Variants in PARD3 observed in about 807,000 individuals in gnomAD.
The protein encoded by PARD3 is partitioning defective 3 homolog.
PARD3 carries 75 observed loss-of-function variants against 155.4 expected under a neutral mutation model. The observed-to-expected ratio is 0.48, with a 90% confidence interval of 0.40 to 0.58. The LOEUF (loss-of-function observed/expected upper bound fraction) is 0.58, where lower values mean the gene tolerates loss of function less well. Among genes scored for constraint, PARD3 ranks in the 20% least tolerant of loss-of-function variants. The pLI, the probability that PARD3 is intolerant of heterozygous loss-of-function variation, is 0.00. For missense variants in PARD3, 1,642 were observed against 1,721.7 expected, an observed-to-expected ratio of 0.95 and a Z score of 0.82; for synonymous variants, 576 against 610.5, an observed-to-expected ratio of 0.94 and a Z score of 0.83.
At chr10:34,773,821 G>A (rs1458025175) in intron 1 of PARD3, among the ~76,000 whole-genome samples, 1 of 152,078 alleles carries the variant, frequency 6.6e-6, no homozygotes, top group African/African-American at 2.4e-5. Flanking sequence ...AAACTTGATG[G>A]GGTTAAAGTG....
intron 22 of PARD3, among the ~76,000 whole-genome samples, chr10:34,231,737 C>T (rs992978302): frequency 2.0e-5 from 3 of 151,764 alleles, no homozygotes; most frequent in East Asian, 3.9e-4. Context: ...CCAACAATGC[C>T]GACTATTGGC....
intron 6 of PARD3, among the ~76,000 whole-genome samples, chr10:34,401,332 A>G (rs1003360723): frequency 1.3e-5 from 2 of 152,164 alleles, no homozygotes; most frequent in Non-Finnish European, 2.9e-5. Context: ...TCCCTTTTTC[A>G]TTAAATATCT....
chr10:34,170,170 C>G (rs1226113299), intron 22 of PARD3, among the ~76,000 whole-genome samples: 1 of 152,192 alleles, frequency 6.6e-6, no homozygotes. Flanking sequence ...CTACTGCAGC[C>G]TCCAGCTTCT....
chr10:34,553,728 T>C (rs148161745), intron 2 of PARD3, among the ~76,000 whole-genome samples: 31 of 152,322 alleles, frequency 2.0e-4, no homozygotes, highest in African/African-American at 7.5e-4. Context: ...GGTTTGGGTT[T>C]TTATTTTATT....
At chr10:34,133,357 A>G (rs968873828) in intron 22 of PARD3, among the ~76,000 whole-genome samples, 1 of 152,126 alleles carries the variant, frequency 6.6e-6, no homozygotes, top group African/African-American at 2.4e-5. Context: ...TCAAATAGAC[A>G]AGCCACACAC....
At chr10:34,544,053 T>TTG (rs1310170354) in intron 2 of PARD3, among the ~76,000 whole-genome samples, 1 of 152,178 alleles carries the variant, frequency 6.6e-6, no homozygotes, top group African/African-American at 2.4e-5. Context: ...CAACATGTGG[T>TTG]AAAAATCATG....
chr10:34,293,458 C>A (rs776051943), intron 20 of PARD3, among the ~76,000 whole-genome samples: 1 of 151,890 alleles, frequency 6.6e-6, no homozygotes, highest in Admixed American at 6.6e-5. Context: ...ACTAAATTGA[C>A]GTTATTATAA....
chr10:34,313,983 C>A (rs1369424029), intron 20 of PARD3, among the ~76,000 whole-genome samples: 1 of 152,200 alleles, frequency 6.6e-6, no homozygotes, highest in Non-Finnish European at 1.5e-5. Context: ...CACAGACACA[C>A]CCCTACTTTA....
chr10:34,520,312 C>T (rs1490376811), intron 2 of PARD3, among the ~76,000 whole-genome samples: 1 of 152,024 alleles, frequency 6.6e-6, no homozygotes, highest in East Asian at 1.9e-4. Flanking sequence ...TCTGGAAGAA[C>T]CAGTACCAGG....
intron 2 of PARD3, among the ~76,000 whole-genome samples, chr10:34,546,040 T>G (rs889483872): frequency 6.6e-6 from 1 of 152,210 alleles, no homozygotes; most frequent in Non-Finnish European, 1.5e-5. Flanking sequence ...AAGCATGTCT[T>G]TAACGTAAAA....
chr10:34,343,404 T>C, intron 15 of PARD3: 1 of 983,712 alleles, frequency 1.0e-6, no homozygotes, highest in Non-Finnish European at 1.2e-6. Context: ...TTGTAATCTG[T>C]TGTTCTGAGT....
chr10:34,538,799 T>C (rs2083399741), intron 2 of PARD3, among the ~76,000 whole-genome samples: 2 of 152,172 alleles, frequency 1.3e-5, no homozygotes, highest in African/African-American at 4.8e-5. Context: ...AGGGCACCAA[T>C]GATCCAAGTA....
At position 34,411,885 on chromosome 10, in the gene PARD3, T is replaced by C. The variant is rs371665896; in HGVS notation, c.715-9968A>G. ...TTGCAAGTTTATCAGGAGTTTTTTT[T>C]CTATGTATTTTAACAAAATCTTTAT... is the stretch of plus-strand genomic sequence containing the variant. On this transcript the variant is annotated intron_variant, in intron 5 of 24. Transcript: ENST00000374788. Among the ~76,000 whole-genome samples the C allele has an allele frequency of 1.6e-4, 24 of 151,902 alleles. 1 individual carries two copies. In the South Asian group the frequency reaches 3.5e-3, roughly 22 times the overall value.
At chr10:34,658,159 AG>A (rs1490294492) in intron 2 of PARD3, among the ~76,000 whole-genome samples, 2 of 145,916 alleles carry the variant, frequency 1.4e-5, no homozygotes, top group South Asian at 2.1e-4. Flanking sequence ...AAAAAAAAAA[AG>A]AATCCACAAC....
intron 3 of PARD3, among the ~76,000 whole-genome samples, chr10:34,495,147 T>A (rs2080185480): frequency 6.6e-6 from 1 of 151,578 alleles, no homozygotes; most frequent in South Asian, 2.1e-4. Context: ...GCTTCCTAAC[T>A]ATCTGTACCC....
At chr10:34,681,203 T>C (rs2093811633) in intron 2 of PARD3, among the ~76,000 whole-genome samples, 1 of 152,166 alleles carries the variant, frequency 6.6e-6, no homozygotes, top group Non-Finnish European at 1.5e-5. Flanking sequence ...CTGTTAACTC[T>C]AATAATAGCT....
chr10:34,133,556 G>A (rs530913251), intron 22 of PARD3, among the ~76,000 whole-genome samples: 31 of 152,304 alleles, frequency 2.0e-4, no homozygotes, highest in African/African-American at 5.5e-4. Flanking sequence ...AAAGCTATTC[G>A]GAAGATCAGG....
Position 34,109,708 on chromosome 10 carries a change from T to G in PARD3, c.*1461A>C. 6.6e-6 allele frequency: 1 copy of G among 151,976 alleles called. No individual in the cohort carries two copies. The highest frequency in any genetic ancestry group is 2.1e-4 in the South Asian group (1 of 4,782). 9.4% of individuals were successfully genotyped at this position (151,976 alleles called of 1,614,324 possible). ...AACACCACTTAGACACCGCCGCACG[T>G]GATTAAGAAACAGAACCATGACACA... On this transcript the variant is annotated 3_prime_UTR_variant, in exon 25 of 25. Coordinates refer to ENST00000374788, the MANE Select transcript of PARD3 (RefSeq NM_001184785.2).
At chr10:34,218,526 G>C (rs1952119350) in intron 22 of PARD3, among the ~76,000 whole-genome samples, 1 of 152,142 alleles carries the variant, frequency 6.6e-6, no homozygotes, top group African/African-American at 2.4e-5. Flanking sequence ...ATGTGCCCAA[G>C]TAACAGACGG....
Sources: gnomAD v4.1 joint callset for allele counts (sites outside exome capture counted in the v4.1 genomes callset) on GRCh38, gnomAD v4.1.1 for gene constraint, MANE v1.5 for transcripts, NCBI Gene and HGNC (gene_info 2026-07-23, HGNC 2026-07-21) for gene names.